EIF4G2: variants seen among roughly 807,000 people sequenced by gnomAD.
EIF4G2 encodes eukaryotic translation initiation factor 4 gamma 2, also known as DAP-5.
Under a neutral mutation model 117.7 loss-of-function variants are expected in EIF4G2, and 8 were observed. The observed-to-expected ratio is 0.07, with a 90% CI of 0.04 to 0.12. EIF4G2 has a LOEUF of 0.12. Among genes scored for constraint, EIF4G2 ranks in the 10% least tolerant of loss-of-function variants. The pLI is 1.00. For missense variants in EIF4G2, 812 were observed against 1,086.2 expected (o/e 0.75, Z 3.55); for synonymous variants, 413 against 367.8 (o/e 1.12, Z -1.41).
chr11:10,808,586 A>C (rs1469418162), intron 1 of EIF4G2, 119 bp downstream of exon 1: 14 of 903,180 alleles, frequency 1.6e-5, no homozygotes, highest in Middle Eastern at 3.7e-4. Flanking sequence ...AATGCTAAAA[A>C]AGGGTCGCCC....
chr11:10,808,328 G>T, intron 1 of EIF4G2: 2 of 1,203,358 alleles, frequency 1.7e-6, no homozygotes, highest in Non-Finnish European at 2.1e-6. Context: ...CTGGTCCCGC[G>T]CCAACGGCCT....
Position 10,804,303 on chromosome 11 carries a change from C to G in EIF4G2, c.467G>C (p.Gly156Ala), listed in dbSNP as rs1847501184. The stretch of plus-strand genomic sequence containing the variant: ...ACCACTTACGGTGCTTTGCTTCTGT[C>G]CTGGTTGACCCTCTGCTGCTGGGCC... The change falls in exon 6 of 22, where the codon GGA (glycine) becomes GCA (alanine). Residue 156 changes from glycine to alanine, a missense_variant. By Grantham distance (60) the Gly-to-Ala change is moderately conservative (BLOSUM62 0). Coordinates refer to ENST00000339995, the MANE Select transcript of EIF4G2 (RefSeq NM_001418.4). 4 of 1,614,028 alleles carry G rather than the reference C, an allele frequency of 2.5e-6. No homozygotes were observed. The highest frequency in any genetic ancestry group is 2.2e-5 in the East Asian group (1 of 44,880).
intron 2 of EIF4G2, 70 bp from the exon 3 acceptor site, chr11:10,806,955 T>C: frequency 1.3e-6 from 2 of 1,572,832 alleles, no homozygotes; most frequent in Admixed American, 1.7e-5. Context: ...AGCATCTATT[T>C]TGTGTTTTGC....
At chr11:10,798,028 A>G (rs1374508857) in intron 21 of EIF4G2, 147 bp from the exon 22 acceptor site, 7 of 694,534 alleles carry the variant, frequency 1.0e-5, no homozygotes, top group South Asian at 9.0e-5. Flanking sequence ...GAACAGTGGT[A>G]TATTATCCAG....
intron 2 of EIF4G2, 56 bp from the exon 3 acceptor site, chr11:10,806,941 AAT>A: frequency 2.7e-6 from 4 of 1,462,284 alleles, no homozygotes; most frequent in Non-Finnish European, 3.6e-6. Flanking sequence ...ACTCAAAAAG[AAT>A]AAGCATCTAT....
intron 1 of EIF4G2, 168 bp from the exon 2 acceptor site, chr11:10,807,549 C>A: frequency 7.8e-7 from 1 of 1,281,120 alleles, no homozygotes; most frequent in Non-Finnish European, 9.9e-7. Context: ...GTTTAGCCAC[C>A]TGGAAATTCC....
rs1358653701 is a variant in EIF4G2 at position 10,801,626 on chromosome 11, A to T, written c.1413+35T>A. 1.9e-6 allele frequency: 3 copies of T among 1,579,974 alleles called. No individual in the cohort carries two copies. In the South Asian group the frequency reaches 3.3e-5, roughly 18 times the overall value. ...TCGGGCAATAAATTTCTGAATGGACAAACTATGGTATATAAGTAACATAGG... is the reference window on the plus strand; with the variant it reads ...TCGGGCAATAAATTTCTGAATGGACTAACTATGGTATATAAGTAACATAGG... On this transcript the variant is annotated intron_variant, in intron 14 of 21. Coordinates refer to ENST00000339995, the MANE Select transcript of EIF4G2 (RefSeq NM_001418.4).
At chr11:10,799,802 A>G in intron 18 of EIF4G2, 46 bp from the exon 19 acceptor site, 1 of 1,585,404 alleles carries the variant, frequency 6.3e-7, no homozygotes, top group African/African-American at 1.4e-5. Context: ...TCATTTTACC[A>G]AGTTGTCCTG....
rs1360073233 is a variant in EIF4G2 at position 10,803,402 on chromosome 11, C to T, written c.813+78G>A. On this transcript the variant is annotated intron_variant, in intron 9 of 21. Coordinates refer to ENST00000339995, the MANE Select transcript of EIF4G2 (RefSeq NM_001418.4). This position sits in a 1 kb window ranked among gnomAD's most constrained non-coding sequence, Gnocchi z 4.0. ...CCAGTTAATGGCTAAATATGGCAAT[C>T]CCTTATGATGTCACAAAAATCAATA... 1.4e-5 allele frequency: 22 copies of T among 1,554,804 alleles called. No homozygotes were observed. The East Asian group carries it at 4.7e-4, about 33-fold the overall frequency.
In EIF4G2 at chr11:10,799,656, T is replaced by C; in HGVS notation, c.2220A>G (p.Gln740=). ...TTTGAGGGGATGGATCCAACTTTATTTGCTTCAACAGTTCCTTCTCCAATT... is the reference window on the plus strand; with the variant it reads ...TTTGAGGGGATGGATCCAACTTTATCTGCTTCAACAGTTCCTTCTCCAATT... The change falls in exon 19 of 22, where the codon CAA becomes CAG. Residue 740 remains glutamine, a synonymous_variant. Transcript: ENST00000339995. 1.2e-6 allele frequency: 2 copies of C among 1,614,170 alleles called. No homozygotes were observed. The highest frequency in any genetic ancestry group is 1.7e-6 in the Non-Finnish European group (2 of 1,180,022).
rs1847293545 is a variant in EIF4G2, at chr11:10,797,594, A to G, written c.*222T>C. On this transcript the variant is annotated 3_prime_UTR_variant, in exon 22 of 22. Coordinates refer to ENST00000339995, the MANE Select transcript of EIF4G2 (RefSeq NM_001418.4). The surrounding 1 kb of genome is among the most constrained non-coding windows in gnomAD (Gnocchi z 4.5). ...AATTATTGCATGCTGCTAATATACT[A>G]TCTAAACATTAAAGATACTCCTAAA... The G allele has an allele frequency of 3.6e-6, 2 of 554,132 alleles. No homozygotes were observed. The highest frequency in any genetic ancestry group is 6.4e-6 in the Non-Finnish European group (2 of 311,684). The allele number at this position is 554,132 out of a possible 1,614,324, so 34.3% of individuals were successfully genotyped here.
Position 10,803,724 on chromosome 11 carries a change from G to C in EIF4G2, c.703-134C>G. ...CTAGTATAGGGCTTTCTACCAGTCT[G>C]GTTGATCAGTTCTAACTCTACTTTG... is the stretch of plus-strand genomic sequence containing the variant. On this transcript the variant is annotated intron_variant, in intron 8 of 21. Coordinates refer to ENST00000339995, the MANE Select transcript of EIF4G2 (RefSeq NM_001418.4). This position sits in a 1 kb window ranked among gnomAD's most constrained non-coding sequence, Gnocchi z 4.0. The C allele has an allele frequency of 9.0e-7, 1 of 1,114,902 alleles. No individual in the cohort carries two copies. Among genetic ancestry groups the C allele is most frequent in the Non-Finnish European group, 1.3e-6 (1 of 773,814 alleles). 69.1% of individuals were successfully genotyped at this position (1,114,902 alleles called of 1,614,324 possible).
chr11:10,807,038 T>C lies in EIF4G2; in HGVS notation c.42-153A>G, dbSNP rs989813664. On this transcript the variant is annotated intron_variant, in intron 2 of 21. Coordinates refer to ENST00000339995, the MANE Select transcript of EIF4G2 (RefSeq NM_001418.4). ...AGGCCTGTATTTTAGTGCTTGTATATTATGCTACAAATGAAGACTGAACTC... is the reference window on the plus strand; with the variant it reads ...AGGCCTGTATTTTAGTGCTTGTATACTATGCTACAAATGAAGACTGAACTC... The C allele has an allele frequency of 4.2e-5, 47 of 1,114,416 alleles. No individual in the cohort carries two copies. The African/African-American group carries it at 5.7e-4, about 13-fold the overall frequency. The allele number at this position is 1,114,416 out of a possible 1,614,324, so 69.0% of individuals were successfully genotyped here.
chr11:10,798,348 G>C (rs1847319532), intron 21 of EIF4G2, among the ~76,000 whole-genome samples: 1 of 152,130 alleles, frequency 6.6e-6, no homozygotes, highest in Admixed American at 6.5e-5. Context: ...CAAATTGTGA[G>C]AAATCAGAAA....
intron 16 of EIF4G2, 33 bp from the exon 17 acceptor site, chr11:10,800,680 T>C (rs759319942): frequency 1.9e-6 from 3 of 1,613,736 alleles, no homozygotes; most frequent in Non-Finnish European, 2.5e-6. Context: ...TAATGTATTC[T>C]CTATCTCAAA....
intron 4 of EIF4G2, 21 bp from the exon 5 acceptor site, chr11:10,805,036 T>C (rs1373110493): frequency 6.4e-7 from 1 of 1,569,790 alleles, no homozygotes; most frequent in Non-Finnish European, 8.8e-7. Flanking sequence ...AGGAATTACA[T>C]TTTAAGTGTT....
chr11:10,807,559 C>T (rs16908327), intron 1 of EIF4G2, 178 bp from the exon 2 acceptor site: 51,992 of 1,269,984 alleles, frequency 0.041, 1,274 homozygotes, highest in Non-Finnish European at 0.046. Context: ...CTGGAAATTC[C>T]CCGGTGTTCA....
Position 10,800,636 on chromosome 11 carries a change from C to T in EIF4G2, c.1656G>A (p.Val552=). ...CATTTCCACTATTTAGATATTCAGT[C>T]ACAACAGTTTCCTGTGAAGAACACA... is the stretch of plus-strand genomic sequence containing the variant. The change falls in exon 17 of 22, where the codon GTG becomes GTA. Residue 552 remains valine, a synonymous_variant. Transcript: ENST00000339995. The T allele has an allele frequency of 6.2e-7, 1 of 1,614,154 alleles. No homozygotes were observed. The highest frequency in any genetic ancestry group is 8.5e-7 in the Non-Finnish European group (1 of 1,180,034).
In EIF4G2 at chr11:10,807,388, C is replaced by T. The variant is rs540668267; in HGVS notation, c.-86-7G>A. On this transcript the variant is annotated splice_polypyrimidine_tract_variant and splice_region_variant and intron_variant, in intron 1 of 21. Coordinates refer to ENST00000339995, the MANE Select transcript of EIF4G2 (RefSeq NM_001418.4). The stretch of plus-strand genomic sequence containing the variant: ...GACAGGAGAAATGAAATACCTGGAA[C>T]GAGAAAGAGCACCAAAATTAGACAC... The T allele has an allele frequency of 6.3e-6, 10 of 1,590,544 alleles. No individual in the cohort carries two copies. The East Asian group carries it at 2.2e-4, about 36-fold the overall frequency.
Sources: gnomAD v4.1 joint callset for allele counts (sites outside exome capture counted in the v4.1 genomes callset) on GRCh38, gnomAD v4.1.1 for gene constraint, Gnocchi (gnomAD v3.1) non-coding constraint, MANE v1.5 for transcripts, NCBI Gene and HGNC (gene_info 2026-07-23, HGNC 2026-07-21) for gene names.